RUNDC3B: variants seen among roughly 807,000 people sequenced by gnomAD.
RUNDC3B encodes the protein RUN domain containing 3B, also known as RUN domain-containing protein 3B.
A neutral mutation model predicts 58.4 loss-of-function variants in RUNDC3B; 33 were observed. The observed-to-expected ratio is 0.56, with a 90% CI of 0.43 to 0.75. The LOEUF is 0.75. RUNDC3B is among the 30% of genes least tolerant of loss of function. The probability of loss-of-function intolerance (pLI) is 0.00; values close to 1 mark genes in which losing one functional copy is unlikely to be tolerated. For missense variants in RUNDC3B, 501 were observed against 535.7 expected, an observed-to-expected ratio of 0.94 and a Z score of 0.64; for synonymous variants, 193 against 195.2, an observed-to-expected ratio of 0.99 and a Z score of 0.10.
At chr7:87,752,307 G>T (rs1438097325) in intron 6 of RUNDC3B, among the ~76,000 whole-genome samples, 1 of 152,146 alleles carries the variant, frequency 6.6e-6, no homozygotes, top group Non-Finnish European at 1.5e-5. Flanking sequence ...TTGCATCAAT[G>T]TTCATCAAGG....
chr7:87,750,976 A>T (rs1457262082), intron 6 of RUNDC3B, among the ~76,000 whole-genome samples: 1 of 152,116 alleles, frequency 6.6e-6, no homozygotes, highest in Non-Finnish European at 1.5e-5. Flanking sequence ...CTGAATGGTA[A>T]AGCCTAGGTT....
chr7:87,687,912 G>A (rs767249680), intron 2 of RUNDC3B, among the ~76,000 whole-genome samples: 3 of 152,054 alleles, frequency 2.0e-5, no homozygotes, highest in Non-Finnish European at 4.4e-5. Context: ...CTGTTCATTT[G>A]GCTTTTGAGT....
intron 8 of RUNDC3B, among the ~76,000 whole-genome samples, chr7:87,799,636 C>T (rs1017131536): frequency 1.3e-5 from 2 of 151,930 alleles, no homozygotes; most frequent in South Asian, 2.1e-4. Flanking sequence ...TGCCTGTAAT[C>T]GCAGCACTTT....
intron 4 of RUNDC3B, among the ~76,000 whole-genome samples, chr7:87,712,563 A>T (rs180788407): frequency 6.6e-6 from 1 of 152,174 alleles, no homozygotes; most frequent in Admixed American, 6.5e-5. Context: ...ATCTCTCTAA[A>T]TTGTTAGTCT....
intron 3 of RUNDC3B, among the ~76,000 whole-genome samples, chr7:87,701,584 A>G (rs1022478831): frequency 6.6e-6 from 1 of 152,256 alleles, no homozygotes; most frequent in African/African-American, 2.4e-5. Flanking sequence ...AAGGTAGGTC[A>G]GTAGATTTAA....
At chr7:87,721,691 C>T (rs1021176253) in intron 4 of RUNDC3B, among the ~76,000 whole-genome samples, 1 of 152,002 alleles carries the variant, frequency 6.6e-6, no homozygotes, top group Admixed American at 6.6e-5. Context: ...ATTGCACTTT[C>T]TAAGATTGAG....
At chr7:87,681,020 C>A (rs1168156803) in intron 2 of RUNDC3B, among the ~76,000 whole-genome samples, 1 of 150,070 alleles carries the variant, frequency 6.7e-6, no homozygotes, top group African/African-American at 2.5e-5. Context: ...TACAAATTTC[C>A]AATATCAGGA....
rs1270164874 is a variant in RUNDC3B at position 87,666,184 on chromosome 7, AC to A, written c.238+15248del. On this transcript the variant is annotated intron_variant, in intron 2 of 10. Coordinates refer to ENST00000394654, the MANE Select transcript of RUNDC3B (RefSeq NM_001134405.2). ...TGACTTTTTAGTAATAGCCATTCTG[AC>A]TGGTGTGAGATGGTATCTCATTGTG... Among the ~76,000 whole-genome samples, 3 of 152,234 alleles carry A rather than the reference AC, an allele frequency of 2.0e-5. No individual in the cohort carries two copies. The South Asian group carries it at 6.2e-4, about 32-fold the overall frequency.
chr7:87,738,772 G>A (rs1832141831), intron 4 of RUNDC3B, among the ~76,000 whole-genome samples: 1 of 151,774 alleles, frequency 6.6e-6, no homozygotes, highest in Admixed American at 6.6e-5. Context: ...TTTTTTGCAA[G>A]TATCAAGTAA....
At chr7:87,630,408 C>T (rs966820034) in intron 1 of RUNDC3B, among the ~76,000 whole-genome samples, 4 of 151,996 alleles carry the variant, frequency 2.6e-5, no homozygotes, top group African/African-American at 9.7e-5. Context: ...ATATGGTATC[C>T]GTTTAATTTG....
At chr7:87,668,743 C>T (rs898447743) in intron 2 of RUNDC3B, among the ~76,000 whole-genome samples, 1 of 152,108 alleles carries the variant, frequency 6.6e-6, no homozygotes, top group Non-Finnish European at 1.5e-5. Context: ...ACCCCAAAGC[C>T]ACTCAAGAGC....
At chr7:87,680,927 G>A (rs554614072) in intron 2 of RUNDC3B, among the ~76,000 whole-genome samples, 2 of 150,672 alleles carry the variant, frequency 1.3e-5, no homozygotes, top group East Asian at 4.0e-4. Context: ...AACAATAATT[G>A]GTGATATGAA....
intron 2 of RUNDC3B, among the ~76,000 whole-genome samples, chr7:87,678,725 G>A (rs924341696): frequency 6.6e-6 from 1 of 152,046 alleles, no homozygotes; most frequent in African/African-American, 2.4e-5. Flanking sequence ...TAGGTTAAAA[G>A]GATAGAAAAA....
intron 2 of RUNDC3B, among the ~76,000 whole-genome samples, chr7:87,697,033 C>A (rs1163001897): frequency 6.6e-6 from 1 of 152,154 alleles, no homozygotes; most frequent in Non-Finnish European, 1.5e-5. Flanking sequence ...AAACATCCTA[C>A]AAGTTATTTT....
chr7:87,670,392 A>T (rs1403215255), intron 2 of RUNDC3B, among the ~76,000 whole-genome samples: 1 of 151,906 alleles, frequency 6.6e-6, no homozygotes, highest in Non-Finnish European at 1.5e-5. Flanking sequence ...TGTGATTCTC[A>T]TTTTCCTTGG....
chr7:87,765,509 G>C (rs1192164438), intron 6 of RUNDC3B, among the ~76,000 whole-genome samples: 1 of 151,790 alleles, frequency 6.6e-6, no homozygotes, highest in Non-Finnish European at 1.5e-5. Context: ...CTTTTCATTT[G>C]TTTCAAAAAG....
rs540866053 is a variant in RUNDC3B at position 87,753,135 on chromosome 7, A to G, written c.629+11556A>G. 1.1e-4 allele frequency among the ~76,000 whole-genome samples: 16 copies of G among 151,878 alleles called. No individual in the cohort carries two copies. In the South Asian group the frequency reaches 3.3e-3, roughly 32 times the overall value. ...TCTGCCTTCATTTCGTTATGTACCC[A>G]GTAGTCATTCAGGAGCAGGTTGTTC... On this transcript the variant is annotated intron_variant, in intron 6 of 10. Coordinates refer to ENST00000394654, the MANE Select transcript of RUNDC3B (RefSeq NM_001134405.2).
chr7:87,831,181 G>T lies in RUNDC3B; in HGVS notation c.*1151G>T, dbSNP rs975193693. On this transcript the variant is annotated 3_prime_UTR_variant, in exon 11 of 11. Coordinates refer to ENST00000394654, the MANE Select transcript of RUNDC3B (RefSeq NM_001134405.2). ...CCACCATACTGAAAATGTATGGCGT[G>T]TATTTTCTATAGTAAGTAATATGAG... is the stretch of plus-strand genomic sequence containing the variant. 1.3e-5 allele frequency: 2 copies of T among 150,474 alleles called. No homozygotes were observed. The highest frequency in any genetic ancestry group is 4.9e-5 in the African/African-American group (2 of 40,930). The allele number at this position is 150,474 out of a possible 1,614,324, so 9.3% of individuals were successfully genotyped here.
intron 6 of RUNDC3B, among the ~76,000 whole-genome samples, chr7:87,747,634 ACT>A (rs1189135124): frequency 6.6e-6 from 1 of 150,924 alleles, no homozygotes; most frequent in African/African-American, 2.4e-5. Context: ...CTGAGCTCAG[ACT>A]CTCCTTGGGC....
Sources: gnomAD v4.1 joint callset for allele counts (sites outside exome capture counted in the v4.1 genomes callset) on GRCh38, gnomAD v4.1.1 for gene constraint, MANE v1.5 for transcripts, NCBI Gene and HGNC (gene_info 2026-07-23, HGNC 2026-07-21) for gene names.